Variants in XYLB observed in about 807,000 individuals in gnomAD.
The protein encoded by XYLB is xylulokinase, also known as xylulose kinase.
In XYLB, 62 loss-of-function variants were observed where a neutral mutation model predicts 78.7. The observed-to-expected ratio is 0.79, with a 90% CI of 0.64 to 0.97. The LOEUF is 0.97. Among genes scored for constraint, XYLB ranks in the 50% least tolerant of loss-of-function variants. XYLB has a pLI of 0.00. For missense variants in XYLB, 687 were observed against 676.8 expected, an observed-to-expected ratio of 1.02 and a Z score of -0.17; for synonymous variants, 245 against 247.4, an observed-to-expected ratio of 0.99 and a Z score of 0.09.
intron 4 of XYLB, among the ~76,000 whole-genome samples, chr3:38,363,707 A>G (rs887114398): frequency 6.6e-5 from 10 of 152,216 alleles, no homozygotes; most frequent in Non-Finnish European, 1.3e-4. Context: ...ATTAATACGC[A>G]GTAAACATTA....
At chr3:38,378,250 A>G (rs1433510762) in intron 14 of XYLB, among the ~76,000 whole-genome samples, 3 of 152,242 alleles carry the variant, frequency 2.0e-5, no homozygotes, top group Non-Finnish European at 2.9e-5. Context: ...CATGCATATC[A>G]ATCCTAGATT....
chr3:38,365,087 G>A (rs1412887100), intron 4 of XYLB, 112 bp from the exon 5 acceptor site: 1 of 879,046 alleles, frequency 1.1e-6, no homozygotes, highest in Non-Finnish European at 1.8e-6. Context: ...AAGTGGCAGG[G>A]GCAGGTGTGG....
Position 38,408,713 on chromosome 3 carries a change from G to A in XYLB, c.1534-4223G>A, listed in dbSNP as rs1386533452. On this transcript the variant is annotated intron_variant, in intron 18 of 18. Transcript: ENST00000207870. ...AAATGATAAAGGGGATATCACCACC[G>A]AGCCCACAGAAATACAAACTACCAT... is the stretch of plus-strand genomic sequence containing the variant. Among the ~76,000 whole-genome samples the A allele has an allele frequency of 1.8e-4, 27 of 150,894 alleles. No individual in the cohort carries two copies. The South Asian group carries it at 5.7e-3, about 32-fold the overall frequency.
chr3:38,374,473 G>A lies in XYLB; in HGVS notation c.859G>A (p.Gly287Ser), dbSNP rs748491862. 1.2e-6 allele frequency: 2 copies of A among 1,613,938 alleles called. No individual in the cohort carries two copies. The highest frequency in any genetic ancestry group is 2.7e-5 in the African/African-American group (2 of 74,914). The change falls in exon 11 of 19, where the codon GGC becomes AGC. Residue 287 changes from glycine to serine, a missense_variant. Physicochemically the swap from Gly to Ser is moderately conservative, Grantham distance 56. Coordinates refer to ENST00000207870, the MANE Select transcript of XYLB (RefSeq NM_005108.4). The stretch of plus-strand genomic sequence containing the variant: ...CCTCCCATTCTCAGCGTCGCTGGCA[G>A]GCATGAGACTGGAGGAAGGTGACAT... Reference protein sequence around the residue: ...FTGDNPASLAGMRLEEGDIAV... With the variant: ...FTGDNPASLASMRLEEGDIAV...
At chr3:38,429,608 C>T in the XYLB span, among the ~76,000 whole-genome samples, 101 of 152,274 alleles carry the variant, frequency 6.6e-4, no homozygotes, top group Non-Finnish European at 1.0e-3. Flanking sequence ...ATGTGCACAA[C>T]GTGCAGGTTT....
Position 38,370,165 on chromosome 3 carries a change from C to T in XYLB, c.756C>T (p.Cys252=). 1 of 1,613,676 alleles carries T rather than the reference C, an allele frequency of 6.2e-7. No homozygotes were observed. Among genetic ancestry groups the T allele is most frequent in the Non-Finnish European group, 8.5e-7 (1 of 1,179,776 alleles). ...AGCTTAGCCCACCAGTACCATCATG[C>T]TCAGTTGTGGTAGGTCTCCTTTCTG... ...EEKLSPPVPS[C]SVVGAISSYY... The change falls in exon 9 of 19, where the codon TGC becomes TGT. Residue 252 remains cysteine (C), a synonymous_variant. Transcript: ENST00000207870.
At chr3:38,388,532 TA>T (rs536579073) in intron 15 of XYLB, among the ~76,000 whole-genome samples, 2 of 152,032 alleles carry the variant, frequency 1.3e-5, no homozygotes, top group African/African-American at 4.8e-5. Context: ...ACAAAATAAG[TA>T]AAAAAAAGTC....
At chr3:38,442,577 T>C in the XYLB span, among the ~76,000 whole-genome samples, 1 of 152,142 alleles carries the variant, frequency 6.6e-6, no homozygotes, top group Admixed American at 6.6e-5. Flanking sequence ...CCTCTGGTAT[T>C]TGAGAGAGCA....
chr3:38,446,757 C>T, the XYLB span, among the ~76,000 whole-genome samples: 1 of 152,080 alleles, frequency 6.6e-6, no homozygotes, highest in Non-Finnish European at 1.5e-5. Flanking sequence ...TCACCATATA[C>T]AAAAACCAAA....
At position 38,414,028 on chromosome 3, in the gene XYLB, C is replaced by G. The variant is rs573131657; in HGVS notation, c.*1015C>G. Reference sequence around the variant, plus strand: ...ATCCCTCCTGTTTTACTTTATACCTCTCTATTCCTTGCTCAAATTATTGCA... The same window carrying G: ...ATCCCTCCTGTTTTACTTTATACCTGTCTATTCCTTGCTCAAATTATTGCA... On this transcript the variant is annotated 3_prime_UTR_variant, in exon 19 of 19. Transcript: ENST00000207870. 6.6e-6 allele frequency: 1 copy of G among 152,148 alleles called. No individual in the cohort carries two copies. The highest frequency in any genetic ancestry group is 1.5e-5 in the Non-Finnish European group (1 of 68,028). The allele number at this position is 152,148 out of a possible 1,614,324, so 9.4% of individuals were successfully genotyped here. A position where few individuals can be genotyped will look rare whatever the true frequency, so the allele number is the denominator to read the frequency against.
At chr3:38,446,058 A>G in the XYLB span, among the ~76,000 whole-genome samples, 1 of 152,160 alleles carries the variant, frequency 6.6e-6, no homozygotes, top group African/African-American at 2.4e-5. Context: ...GAGCAGCAGC[A>G]AGATTTATTG....
chr3:38,402,962 T>C (rs1036259458), intron 18 of XYLB, among the ~76,000 whole-genome samples: 8 of 152,186 alleles, frequency 5.3e-5, no homozygotes, highest in Non-Finnish European at 1.5e-5. Context: ...TTTAATCCAC[T>C]ATATCTGAAA....
Position 38,397,097 on chromosome 3 carries a change from C to T in XYLB, c.1376C>T (p.Pro459Leu), listed in dbSNP as rs769657911. 4.6e-5 allele frequency: 74 copies of T among 1,614,016 alleles called. No homozygotes were observed. The highest frequency in any genetic ancestry group is 7.7e-5 in the South Asian group (7 of 91,088). The change falls in exon 17 of 19, where the codon CCG becomes CTG. Residue 459 changes from proline (P) to leucine (L), a missense_variant. Transcript: ENST00000207870. Reference protein sequence around the residue: ...LQVLADVFDAPVYVIDTANSA... With the variant: ...LQVLADVFDALVYVIDTANSA... ...GTGCTTGCAGATGTGTTTGATGCCC[C>T]GGTGTATGTTATAGACACTGCCAAC...
In XYLB at chr3:38,398,641, T is replaced by TCTGCCTGC. The variant is rs544081780; in HGVS notation, c.1438+1513_1438+1520dup. On this transcript the variant is annotated intron_variant, in intron 17 of 18. Transcript: ENST00000207870. The stretch of plus-strand genomic sequence containing the variant: ...GCTTTTATTCACACTTACCTATGAG[T>TCTGCCTGC]CTGCCTGCCTGCCTGCCTGCCTGCC... Among the ~76,000 whole-genome samples the TCTGCCTGC allele has an allele frequency of 1.4e-3, 212 of 149,520 alleles. 1 individual carries two copies. The highest frequency in any genetic ancestry group is 0.013 in the East Asian group (64 of 5,096).
chr3:38,407,034 G>C (rs1388799705), intron 18 of XYLB, among the ~76,000 whole-genome samples: 6 of 145,484 alleles, frequency 4.1e-5, no homozygotes, highest in African/African-American at 1.5e-4. Flanking sequence ...TACAGAGAAC[G>C]CCACAAAGAT....
intron 18 of XYLB, among the ~76,000 whole-genome samples, chr3:38,412,427 T>C (rs532823861): frequency 1.0e-3 from 155 of 152,262 alleles, no homozygotes; most frequent in Non-Finnish European, 1.5e-3. Context: ...ACTGTGTTTC[T>C]CCAGGCTGTC....
chr3:38,413,734 C>A lies in XYLB; in HGVS notation c.*721C>A, dbSNP rs1708693597. The A allele has an allele frequency of 6.6e-6, 1 of 152,192 alleles. No individual in the cohort carries two copies. Among genetic ancestry groups the A allele is most frequent in the Non-Finnish European group, 1.5e-5 (1 of 68,072 alleles). The allele number at this position is 152,192 out of a possible 1,614,324, so 9.4% of individuals were successfully genotyped here. ...AACAATGGGCCTGGTGGACGTGCTTCCTGTGCCCTCCCTTTAGCTATGCCC... is the reference window on the plus strand; with the variant it reads ...AACAATGGGCCTGGTGGACGTGCTTACTGTGCCCTCCCTTTAGCTATGCCC... On this transcript the variant is annotated 3_prime_UTR_variant, in exon 19 of 19. Transcript: ENST00000207870.
intron 18 of XYLB, among the ~76,000 whole-genome samples, chr3:38,403,289 CA>C (rs35593230): frequency 0.041 from 5,204 of 126,394 alleles, 231 homozygotes; most frequent in East Asian, 0.19. Context: ...GACCCTGTCT[CA>C]AAAAAAAAAA....
At chr3:38,390,912 G>T (rs970329039) in intron 15 of XYLB, among the ~76,000 whole-genome samples, 3 of 152,100 alleles carry the variant, frequency 2.0e-5, no homozygotes, top group African/African-American at 7.2e-5. Flanking sequence ...CTGATGATCA[G>T]CACTCGGGTT....
Sources: gnomAD v4.1 joint callset for allele counts (sites outside exome capture counted in the v4.1 genomes callset) on GRCh38, gnomAD v4.1.1 for gene constraint, MANE v1.5 for transcripts, NCBI Gene and HGNC (gene_info 2026-07-23, HGNC 2026-07-21) for gene names.